The following GNAQ variants were observed in gnomAD, a reference collection of about 807,000 sequenced individuals.
GNAQ encodes G protein subunit alpha q.
GNAQ carries 8 observed loss-of-function variants against 43.9 expected under a neutral mutation model. The ratio of observed to expected loss-of-function variants is 0.18; its 90% CI spans 0.11 to 0.33. The LOEUF (loss-of-function observed/expected upper bound fraction) is 0.33, where lower values mean the gene tolerates loss of function less well. GNAQ is among the 10% of genes least tolerant of loss of function. GNAQ has a pLI of 1.00. For missense variants in GNAQ, 158 were observed against 450.8 expected (o/e 0.35, Z 5.88); for synonymous variants, 155 against 170.7 (o/e 0.91, Z 0.71).
chr9:77,861,460 A>C (rs1346520939), intron 2 of GNAQ, among the ~76,000 whole-genome samples: 1 of 152,108 alleles, frequency 6.6e-6, no homozygotes, highest in African/African-American at 2.4e-5. Context: ...AGACAGTCCA[A>C]AGTCTCATCT....
intron 2 of GNAQ, among the ~76,000 whole-genome samples, chr9:77,894,951 A>T (rs1828474991): frequency 6.6e-6 from 1 of 151,814 alleles, no homozygotes; most frequent in Non-Finnish European, 1.5e-5. Context: ...GCACTTTGGG[A>T]GGCCAAGGCA....
chr9:77,933,517 C>T (rs573767525), intron 1 of GNAQ, among the ~76,000 whole-genome samples: 5 of 152,062 alleles, frequency 3.3e-5, no homozygotes, highest in African/African-American at 7.2e-5. Flanking sequence ...GGGTGGTGCA[C>T]GCCTGTGGTC....
intron 1 of GNAQ, among the ~76,000 whole-genome samples, chr9:77,981,314 G>C (rs918811972): frequency 5.3e-5 from 8 of 152,200 alleles, no homozygotes; most frequent in African/African-American, 1.9e-4. Context: ...CAAAAAAAGA[G>C]AGGAAAAAAT....
At chr9:77,804,204 A>ACCCCT (rs1401658524) in intron 3 of GNAQ, among the ~76,000 whole-genome samples, 1 of 152,042 alleles carries the variant, frequency 6.6e-6, no homozygotes, top group Non-Finnish European at 1.5e-5. Flanking sequence ...AAAAAGAACC[A>ACCCCT]CCCCTCCCCC....
rs979697148 is a variant in GNAQ at position 77,818,307 on chromosome 9, T to C, written c.322-2537A>G. On this transcript the variant is annotated intron_variant, in intron 2 of 6. Coordinates refer to ENST00000286548, the MANE Select transcript of GNAQ (RefSeq NM_002072.5). ...GACATTCAAATATAATCAACCATAA[T>C]TTGCATTTATGTAAGAGCTTTCATC... is the stretch of plus-strand genomic sequence containing the variant. Among the ~76,000 whole-genome samples, 3 of 152,188 alleles carry C rather than the reference T, an allele frequency of 2.0e-5. No homozygotes were observed. The East Asian group carries it at 5.8e-4, about 29-fold the overall frequency.
intron 2 of GNAQ, among the ~76,000 whole-genome samples, chr9:77,910,632 C>T (rs114045741): frequency 8.4e-4 from 128 of 151,762 alleles, no homozygotes; most frequent in African/African-American, 3.0e-3. Context: ...CCTTAGAGTG[C>T]TATTTTTTTT....
At chr9:77,798,603 A>G (rs1162776492) in intron 3 of GNAQ, among the ~76,000 whole-genome samples, 1 of 152,220 alleles carries the variant, frequency 6.6e-6, no homozygotes, top group African/African-American at 2.4e-5. Flanking sequence ...TGCACATACC[A>G]AAATCCCTGG....
chr9:78,014,850 C>A (rs988337116), intron 1 of GNAQ, among the ~76,000 whole-genome samples: 1 of 152,150 alleles, frequency 6.6e-6, no homozygotes, highest in Non-Finnish European at 1.5e-5. Flanking sequence ...ATGTTTCAGT[C>A]AACAACAGAC....
chr9:77,759,489 T>C (rs11790780), intron 5 of GNAQ, among the ~76,000 whole-genome samples: 87 of 152,310 alleles, frequency 5.7e-4, no homozygotes, highest in Admixed American at 1.9e-3. Context: ...TTTCTACTTA[T>C]ATGCGAAACA....
Position 77,856,971 on chromosome 9 carries a change from T to C in GNAQ, c.322-41201A>G, listed in dbSNP as rs117124061. On this transcript the variant is annotated intron_variant, in intron 2 of 6. Coordinates refer to ENST00000286548, the MANE Select transcript of GNAQ (RefSeq NM_002072.5). ...GTGAAACCAAGAGGTGTTAGTGCCA[T>C]CTGGACCCACTCTCTTCCAAATTCC... Among the ~76,000 whole-genome samples, 151 of 152,330 alleles carry C rather than the reference T, an allele frequency of 9.9e-4. 2 individuals are homozygous for C. The East Asian group carries it at 0.026, about 27-fold the overall frequency.
Position 77,797,615 on chromosome 9 carries a change from A to G in GNAQ, c.510T>C (p.Pro170=), listed in dbSNP as rs1826677921. 7 of 1,613,488 alleles carry G rather than the reference A, an allele frequency of 4.3e-6. No homozygotes were observed. The highest frequency in any genetic ancestry group is 5.9e-6 in the Non-Finnish European group (7 of 1,179,566). ...CATCTTGTTGCGTAGGCAGGTAGGC[A>G]GGGTCAGCTACGCGGTCCAAGTCAT... ...YLNDLDRVAD[P]AYLPTQQDVL... Residue 170 remains proline, a synonymous_variant, in exon 4 of 7, where the codon CCT becomes CCC. Transcript: ENST00000286548.
chr9:77,960,799 C>A (rs1184468752), intron 1 of GNAQ, among the ~76,000 whole-genome samples: 2 of 152,090 alleles, frequency 1.3e-5, no homozygotes, highest in African/African-American at 4.8e-5. Context: ...ATTCACTACA[C>A]TAGAATAAAC....
intron 1 of GNAQ, among the ~76,000 whole-genome samples, chr9:77,971,741 A>C (rs930287228): frequency 1.3e-5 from 2 of 152,188 alleles, no homozygotes; most frequent in African/African-American, 2.4e-5. Flanking sequence ...GCCCTCTCTC[A>C]CCACTCCTAT....
chr9:77,922,455 G>T, intron 1 of GNAQ, 110 bp from the exon 2 acceptor site: 3 of 709,878 alleles, frequency 4.2e-6, no homozygotes, highest in Non-Finnish European at 4.8e-6. Flanking sequence ...AGCCTGCTGA[G>T]AGGAGCGACT....
At chr9:77,935,985 G>GT (rs1829225560) in intron 1 of GNAQ, among the ~76,000 whole-genome samples, 1 of 152,136 alleles carries the variant, frequency 6.6e-6, no homozygotes, top group Admixed American at 6.5e-5. Flanking sequence ...TTGCTCGGAA[G>GT]TATCACACCT....
At chr9:77,845,325 T>TA (rs1357035524) in intron 2 of GNAQ, among the ~76,000 whole-genome samples, 1 of 152,174 alleles carries the variant, frequency 6.6e-6, no homozygotes. Context: ...CTTCCTTTTT[T>TA]AAACAAAACT....
At chr9:77,814,280 G>A (rs757355447) in intron 3 of GNAQ, among the ~76,000 whole-genome samples, 3 of 152,078 alleles carry the variant, frequency 2.0e-5, no homozygotes, top group Non-Finnish European at 2.9e-5. Flanking sequence ...GACAGAGGGA[G>A]GGAGAATGGC....
intron 5 of GNAQ, among the ~76,000 whole-genome samples, chr9:77,749,150 A>G (rs921273929): frequency 6.6e-6 from 1 of 152,176 alleles, no homozygotes; most frequent in Admixed American, 6.5e-5. Flanking sequence ...CCAGGTTCTC[A>G]ATCCTTTCCA....
intron 1 of GNAQ, among the ~76,000 whole-genome samples, chr9:78,019,161 G>A (rs1057388872): frequency 6.6e-6 from 1 of 152,186 alleles, no homozygotes; most frequent in Non-Finnish European, 1.5e-5. Context: ...TATTGGATAA[G>A]GAAACACAAA....
Sources: allele counts gnomAD v4.1 joint callset (sites outside exome capture counted in the v4.1 genomes callset), GRCh38; gene constraint gnomAD v4.1.1; transcripts MANE v1.5; gene names NCBI Gene and HGNC (gene_info 2026-07-23, HGNC 2026-07-21).